The following IGSF21 variants were observed in gnomAD, a reference collection of about 807,000 sequenced individuals.
IGSF21 encodes the protein immunoglobulin superfamily member 21.
A neutral mutation model predicts 46.8 loss-of-function variants in IGSF21; 28 were observed. The ratio of observed to expected loss-of-function variants is 0.60; its 90% CI spans 0.44 to 0.82. IGSF21 has a LOEUF of 0.82. Among genes scored for constraint, IGSF21 ranks in the 40% least tolerant of loss-of-function variants. The pLI is 0.00. For synonymous variants in IGSF21, 284 were observed against 273.6 expected (o/e 1.04, Z -0.38); for missense variants, 624 against 665.5 (o/e 0.94, Z 0.69).
At chr1:18,207,757 G>T (rs1451074476) in intron 1 of IGSF21, among the ~76,000 whole-genome samples, 1 of 152,172 alleles carries the variant, frequency 6.6e-6, no homozygotes, top group African/African-American at 2.4e-5. Flanking sequence ...TCTGGCAGGG[G>T]CTGGGATTCC....
At chr1:18,211,312 C>T (rs1288263238) in intron 1 of IGSF21, among the ~76,000 whole-genome samples, 1 of 152,206 alleles carries the variant, frequency 6.6e-6, no homozygotes, top group Non-Finnish European at 1.5e-5. Flanking sequence ...AGAGTCCATT[C>T]CCTTGTTCTT....
intron 3 of IGSF21, among the ~76,000 whole-genome samples, chr1:18,297,872 C>T (rs1242936198): frequency 6.6e-6 from 1 of 151,978 alleles, no homozygotes; most frequent in African/African-American, 2.4e-5. Flanking sequence ...AGATTCTGAA[C>T]CCATGGATCC....
chr1:18,244,326 A>G (rs1163126284), intron 2 of IGSF21, among the ~76,000 whole-genome samples: 1 of 152,206 alleles, frequency 6.6e-6, no homozygotes, highest in African/African-American at 2.4e-5. Flanking sequence ...CTGACTTTGG[A>G]ATTCACCTCC....
intron 4 of IGSF21, among the ~76,000 whole-genome samples, chr1:18,350,365 G>A (rs1201653943): frequency 1.3e-5 from 2 of 152,198 alleles, no homozygotes; most frequent in East Asian, 3.9e-4. Flanking sequence ...AAGGCCAAGG[G>A]AAGAGGCCTC....
chr1:18,361,074 C>A (rs1031195844), intron 4 of IGSF21, among the ~76,000 whole-genome samples: 1 of 152,102 alleles, frequency 6.6e-6, no homozygotes, highest in East Asian at 1.9e-4. Flanking sequence ...CAAAAATAAG[C>A]CAACTTCCAG....
intron 3 of IGSF21, among the ~76,000 whole-genome samples, chr1:18,301,574 C>G (rs1221231262): frequency 6.6e-6 from 1 of 152,168 alleles, no homozygotes; most frequent in African/African-American, 2.4e-5. Flanking sequence ...CTCCTGACCT[C>G]AAGTGATGCA....
intron 1 of IGSF21, among the ~76,000 whole-genome samples, chr1:18,121,243 T>C (rs951267325): frequency 5.9e-5 from 9 of 152,156 alleles, no homozygotes; most frequent in African/African-American, 1.7e-4. Flanking sequence ...TTATCCTTCA[T>C]CTGAAAGCTG....
At chr1:18,268,075 A>G (rs1472734476) in intron 2 of IGSF21, among the ~76,000 whole-genome samples, 1 of 152,254 alleles carries the variant, frequency 6.6e-6, no homozygotes, top group Non-Finnish European at 1.5e-5. Flanking sequence ...TGTGCCTGGC[A>G]CATAACAGGT....
rs1045251041 is a variant in IGSF21 at position 18,108,686 on chromosome 1, G to A, written c.70+488G>A. Among the ~76,000 whole-genome samples, 17 of 152,032 alleles carry A rather than the reference G, an allele frequency of 1.1e-4. 1 individual carries two copies. Among genetic ancestry groups the A allele is most frequent in the Admixed American group, 1.1e-3 (17 of 15,270 alleles). On this transcript the variant is annotated intron_variant, in intron 1 of 9. Transcript: ENST00000251296. ...GTGAGGGTGTGAAGTGTGTGAGCTT[G>A]TGTCACTGTGGGTGTGAGGTGTTAG...
At chr1:18,177,658 G>A (rs1006631499) in intron 1 of IGSF21, among the ~76,000 whole-genome samples, 2 of 152,082 alleles carry the variant, frequency 1.3e-5, no homozygotes, top group African/African-American at 4.8e-5. Context: ...AGTGCCTGGG[G>A]AATGATCAAA....
chr1:18,136,315 A>G (rs940224659), intron 1 of IGSF21, among the ~76,000 whole-genome samples: 2 of 152,138 alleles, frequency 1.3e-5, no homozygotes, highest in Non-Finnish European at 2.9e-5. Flanking sequence ...TTGGTGTTTT[A>G]GACATGAAGT....
At chr1:18,165,526 G>A (rs762055790) in intron 1 of IGSF21, among the ~76,000 whole-genome samples, 2 of 152,184 alleles carry the variant, frequency 1.3e-5, no homozygotes, top group Admixed American at 1.3e-4. Flanking sequence ...CTGAGGTCCC[G>A]GGGATTAGGG....
At chr1:18,128,819 T>G (rs1001785147) in intron 1 of IGSF21, among the ~76,000 whole-genome samples, 1 of 152,020 alleles carries the variant, frequency 6.6e-6, no homozygotes, top group Non-Finnish European at 1.5e-5. Flanking sequence ...TGTGTATGTC[T>G]CTGTGTCACA....
At position 18,238,154 on chromosome 1, in the gene IGSF21, G is replaced by A. The variant is rs112509197; in HGVS notation, c.183+10144G>A. On this transcript the variant is annotated intron_variant, in intron 2 of 9. Coordinates refer to ENST00000251296, the MANE Select transcript of IGSF21 (RefSeq NM_032880.5). ...TGCAACAGCAGGCATGCAGGTGTTC[G>A]CTGAGTGTGAAATGTGTAGGGCATC... Among the ~76,000 whole-genome samples the A allele has an allele frequency of 2.7e-3, 415 of 152,254 alleles. 2 individuals carry two copies. Among genetic ancestry groups the A allele is most frequent in the African/African-American group, 9.2e-3 (383 of 41,544 alleles).
intron 1 of IGSF21, among the ~76,000 whole-genome samples, chr1:18,221,848 G>C (rs1352292035): frequency 2.0e-5 from 3 of 152,120 alleles, no homozygotes; most frequent in Non-Finnish European, 4.4e-5. Context: ...GAATGGTGTT[G>C]AGTTGTACCC....
intron 3 of IGSF21, among the ~76,000 whole-genome samples, chr1:18,294,161 C>T (rs1213634801): frequency 6.6e-6 from 1 of 152,186 alleles, no homozygotes; most frequent in Admixed American, 6.5e-5. Context: ...TTAGTGAAAT[C>T]TGGGGCTGGT....
chr1:18,122,123 C>A (rs150935059), intron 1 of IGSF21, among the ~76,000 whole-genome samples: 1 of 152,108 alleles, frequency 6.6e-6, no homozygotes, highest in Non-Finnish European at 1.5e-5. Context: ...CCTCAGTCAC[C>A]CTCTTCACGA....
intron 2 of IGSF21, among the ~76,000 whole-genome samples, chr1:18,277,236 C>T (rs2085110785): frequency 1.3e-5 from 2 of 152,250 alleles, no homozygotes; most frequent in South Asian, 4.1e-4. Context: ...TCAGGCCGAT[C>T]ACTCCATCAC....
chr1:18,155,027 A>G (rs1257601000), intron 1 of IGSF21, among the ~76,000 whole-genome samples: 1 of 152,010 alleles, frequency 6.6e-6, no homozygotes, highest in African/African-American at 2.4e-5. Context: ...TGAGGCTGAT[A>G]TAGTCAAGAG....
Sources: allele counts gnomAD v4.1 joint callset (sites outside exome capture counted in the v4.1 genomes callset), GRCh38; gene constraint gnomAD v4.1.1; transcripts MANE v1.5; gene names NCBI Gene and HGNC (gene_info 2026-07-23, HGNC 2026-07-21).